DLGAP2: variants seen among roughly 807,000 people sequenced by gnomAD.
DLGAP2 encodes the protein disks large-associated protein 2.
In DLGAP2, 26 loss-of-function variants were observed where a neutral mutation model predicts 100.3. The observed-to-expected ratio is 0.26, with a 90% CI of 0.19 to 0.36. The LOEUF (loss-of-function observed/expected upper bound fraction) is 0.36. Among genes scored for constraint, DLGAP2 ranks in the 10% least tolerant of loss-of-function variants. The probability of loss-of-function intolerance (pLI) is 1.00; values close to 1 mark genes in which losing one functional copy is unlikely to be tolerated. For synonymous variants in DLGAP2, 886 were observed against 630.1 expected, an observed-to-expected ratio of 1.41 and a Z score of -6.08; for missense variants, 1,858 against 1,453.2, an observed-to-expected ratio of 1.28 and a Z score of -4.53.
At chr8:895,137 T>G (rs982045636) in intron 1 of DLGAP2, among the ~76,000 whole-genome samples, 2 of 151,820 alleles carry the variant, frequency 1.3e-5, no homozygotes, top group Non-Finnish European at 2.9e-5. Flanking sequence ...CAGAGCTGCA[T>G]ATTTCAGAAC....
chr8:1,203,594 C>G (rs1365578976), intron 2 of DLGAP2, among the ~76,000 whole-genome samples: 1 of 152,194 alleles, frequency 6.6e-6, no homozygotes, highest in East Asian at 1.9e-4. Flanking sequence ...CTTTAAGTTT[C>G]AGCTTCTCGT....
chr8:1,100,338 A>G (rs1036982194), intron 2 of DLGAP2, among the ~76,000 whole-genome samples: 2 of 152,230 alleles, frequency 1.3e-5, no homozygotes, highest in South Asian at 4.2e-4. Context: ...TCCACAGTGT[A>G]CAGCGTGTGT....
intron 2 of DLGAP2, among the ~76,000 whole-genome samples, chr8:1,115,998 A>T (rs1805103424): frequency 1.3e-5 from 2 of 152,332 alleles, no homozygotes; most frequent in East Asian, 3.9e-4. Context: ...ATCCCAGCAG[A>T]CAGCACCGTG....
chr8:1,172,245 A>G (rs1391414103), intron 2 of DLGAP2, among the ~76,000 whole-genome samples: 3 of 152,328 alleles, frequency 2.0e-5, no homozygotes, highest in African/African-American at 4.8e-5. Flanking sequence ...GTTTCTGCCT[A>G]GAGATCAGCT....
intron 4 of DLGAP2, 125 bp from the exon 5 acceptor site, chr8:1,548,501 C>G (rs1584914756): frequency 1.8e-6 from 1 of 540,584 alleles, no homozygotes; most frequent in Non-Finnish European, 2.9e-6. Context: ...AATCTGCCCT[C>G]TCGAGTGCCC....
chr8:1,687,508 T>A (rs947025409), intron 12 of DLGAP2, among the ~76,000 whole-genome samples: 1 of 152,248 alleles, frequency 6.6e-6, no homozygotes, highest in Admixed American at 6.5e-5. Flanking sequence ...AGGCATCAGA[T>A]AGGATCATTC....
intron 6 of DLGAP2, among the ~76,000 whole-genome samples, chr8:1,567,623 G>C (rs1802455756): frequency 6.6e-6 from 1 of 152,148 alleles, no homozygotes; most frequent in South Asian, 2.1e-4. Flanking sequence ...TTCTTCAGTG[G>C]CAGAGACAGT....
chr8:1,680,040 T>C lies in DLGAP2; in HGVS notation c.2704+1411T>C, dbSNP rs368334084. Among the ~76,000 whole-genome samples, 5 of 151,880 alleles carry C rather than the reference T, an allele frequency of 3.3e-5. No homozygotes were observed. The South Asian group carries it at 1.0e-3, about 32-fold the overall frequency. ...CAGCACCCATTATAAATTGCTGTAT[T>C]TGATTGACTTCTAAGCTAATACCAC... On this transcript the variant is annotated intron_variant, in intron 12 of 14. Coordinates refer to ENST00000637795, the MANE Select transcript of DLGAP2 (RefSeq NM_001346810.2).
At chr8:1,455,065 C>T (rs570037794) in intron 3 of DLGAP2, among the ~76,000 whole-genome samples, 4 of 152,200 alleles carry the variant, frequency 2.6e-5, no homozygotes, top group African/African-American at 9.6e-5. Flanking sequence ...AAGGAAGGTT[C>T]CAGACACATC....
chr8:930,483 C>G (rs1460277887), intron 2 of DLGAP2, among the ~76,000 whole-genome samples: 2 of 152,220 alleles, frequency 1.3e-5, no homozygotes, highest in Non-Finnish European at 2.9e-5. Flanking sequence ...TGAGAGGGTT[C>G]TCTGCAGAAA....
chr8:990,192 G>A lies in DLGAP2; in HGVS notation c.73+82226G>A, dbSNP rs534936519. Among the ~76,000 whole-genome samples the A allele has an allele frequency of 4.1e-4, 63 of 152,102 alleles. 1 individual carries two copies. The South Asian group carries it at 0.013, about 31-fold the overall frequency. On this transcript the variant is annotated intron_variant, in intron 2 of 14. Transcript: ENST00000637795. ...TATTAGTGGTCCATTCTTTTTGTTGGTGAGAGTATTCCCAACTTTTCACCT... is the reference window on the plus strand; with the variant it reads ...TATTAGTGGTCCATTCTTTTTGTTGATGAGAGTATTCCCAACTTTTCACCT...
intron 1 of DLGAP2, among the ~76,000 whole-genome samples, chr8:785,110 G>A (rs13266929): frequency 1.3e-5 from 2 of 151,336 alleles, no homozygotes; most frequent in African/African-American, 4.9e-5. Flanking sequence ...CCAGCTACTA[G>A]GGAGGCTGAG....
intron 2 of DLGAP2, among the ~76,000 whole-genome samples, chr8:1,012,760 C>G (rs147069456): frequency 5.7e-5 from 8 of 140,598 alleles, no homozygotes; most frequent in African/African-American, 2.1e-4. Context: ...AGTGTGGACA[C>G]CCTCCGACCA....
chr8:1,301,438 C>G (rs1800336689), intron 3 of DLGAP2: 1 of 144,146 alleles, frequency 6.9e-6, no homozygotes, highest in Non-Finnish European at 1.5e-5. Flanking sequence ...ACTCTCCAAC[C>G]TCCACTTTTT....
intron 2 of DLGAP2, among the ~76,000 whole-genome samples, chr8:919,318 C>T (rs987521597): frequency 6.6e-6 from 1 of 152,162 alleles, no homozygotes; most frequent in African/African-American, 2.4e-5. Context: ...TGAGACAGAG[C>T]TGCCGACATC....
intron 2 of DLGAP2, among the ~76,000 whole-genome samples, chr8:1,040,513 T>TGGCTCGGTTTCCGTGGTC (rs1802311553): frequency 1.6e-5 from 1 of 63,032 alleles, no homozygotes; most frequent in East Asian, 5.5e-4. Context: ...TGTGCGTGGT[T>TGGCTCGGTTTCCGTGGTC]GGCTCGGTTT....
At chr8:1,575,493 A>AGTTCTAGG in intron 6 of DLGAP2, among the ~76,000 whole-genome samples, 1 of 90,444 alleles carries the variant, frequency 1.1e-5, no homozygotes, top group East Asian at 4.5e-4. Flanking sequence ...TTATTATTTA[A>AGTTCTAGG]GTTCTAGGGT....
chr8:1,193,986 T>A (rs1350809481), intron 2 of DLGAP2, among the ~76,000 whole-genome samples: 1 of 152,142 alleles, frequency 6.6e-6, no homozygotes, highest in Non-Finnish European at 1.5e-5. Context: ...AGTCGTAGTA[T>A]CTGAAGCCTC....
At chr8:1,039,892 ATGCATGGTCAGCTCGGTG>A (rs1802270284) in intron 2 of DLGAP2, among the ~76,000 whole-genome samples, 1 of 38,822 alleles carries the variant, frequency 2.6e-5, no homozygotes, top group African/African-American at 1.0e-4. Flanking sequence ...TCGGCTCGGT[ATGCATGGTCAGCTCGGTG>A]TGCGTGGTCA....
Sources: allele counts gnomAD v4.1 joint callset (sites outside exome capture counted in the v4.1 genomes callset), GRCh38; gene constraint gnomAD v4.1.1; transcripts MANE v1.5; gene names NCBI Gene and HGNC (gene_info 2026-07-23, HGNC 2026-07-21).